NTNG1: variants seen among roughly 807,000 people sequenced by gnomAD.
The protein encoded by NTNG1 is netrin G1, also known as netrin-G1.
Under a neutral mutation model 54.0 loss-of-function variants are expected in NTNG1, and 16 were observed. The ratio of observed to expected loss-of-function variants is 0.30; its 90% confidence interval spans 0.20 to 0.45. The LOEUF (loss-of-function observed/expected upper bound fraction) is 0.45. Ranked by LOEUF, NTNG1 falls within the 20% of genes least tolerant of loss-of-function variation. NTNG1 has a pLI of 1.00. For missense variants in NTNG1, 530 were observed against 678.7 expected (o/e 0.78, Z 2.43); for synonymous variants, 255 against 263.1 (o/e 0.97, Z 0.30).
At chr1:107,376,422 A>AAG (rs1553235270) in intron 3 of NTNG1, among the ~76,000 whole-genome samples, 11 of 150,338 alleles carry the variant, frequency 7.3e-5, no homozygotes, top group Middle Eastern at 3.2e-3. Flanking sequence ...CAAAACAAAA[A>AAG]AAAAAACAAA....
At chr1:107,410,472 C>G (rs1673727262) in intron 5 of NTNG1, 1 of 152,108 alleles carries the variant, frequency 6.6e-6, no homozygotes, top group South Asian at 2.1e-4. Context: ...TCCCATAATC[C>G]TAAGGATACT....
intron 2 of NTNG1, among the ~76,000 whole-genome samples, chr1:107,321,849 G>T (rs921780451): frequency 3.3e-5 from 5 of 151,878 alleles, no homozygotes; most frequent in Admixed American, 3.3e-4. Context: ...AGTGACTTGG[G>T]AATTCAGCAA....
chr1:107,377,006 C>T (rs1282215327), intron 3 of NTNG1, among the ~76,000 whole-genome samples: 1 of 152,182 alleles, frequency 6.6e-6, no homozygotes, highest in South Asian at 2.1e-4. Flanking sequence ...TGCAGGTCTG[C>T]AAAGGGGGAG....
intron 2 of NTNG1, among the ~76,000 whole-genome samples, chr1:107,204,446 G>A: frequency 6.6e-6 from 1 of 152,088 alleles, no homozygotes; most frequent in East Asian, 1.9e-4. Context: ...CCATGTGAAT[G>A]ACCACATGGA....
intron 2 of NTNG1, among the ~76,000 whole-genome samples, chr1:107,278,093 C>T (rs1454757100): frequency 6.6e-6 from 1 of 152,164 alleles, no homozygotes; most frequent in Non-Finnish European, 1.5e-5. Context: ...CACTACTTCT[C>T]TCTGGATATT....
At chr1:107,459,856 G>A (rs1677173531) in intron 7 of NTNG1, among the ~76,000 whole-genome samples, 1 of 152,054 alleles carries the variant, frequency 6.6e-6, no homozygotes, top group African/African-American at 2.4e-5. Context: ...GTACTCCTAG[G>A]GCAAATTATT....
chr1:107,169,354 A>T (rs531514658), intron 2 of NTNG1, among the ~76,000 whole-genome samples: 1 of 152,296 alleles, frequency 6.6e-6, no homozygotes, highest in South Asian at 2.1e-4. Flanking sequence ...TTTAGGGTAT[A>T]CAAGTGCAGT....
chr1:107,398,413 G>C (rs901269435), intron 4 of NTNG1, among the ~76,000 whole-genome samples: 1 of 152,122 alleles, frequency 6.6e-6, no homozygotes, highest in African/African-American at 2.4e-5. Context: ...ACCACTCAGG[G>C]ATACCATAGA....
intron 3 of NTNG1, among the ~76,000 whole-genome samples, chr1:107,357,793 A>T (rs1189128279): frequency 1.3e-5 from 2 of 152,164 alleles, no homozygotes; most frequent in African/African-American, 4.8e-5. Context: ...TTAACTTTCC[A>T]GTTATCTGTG....
intron 2 of NTNG1, among the ~76,000 whole-genome samples, chr1:107,251,854 G>A (rs1662629062): frequency 6.6e-6 from 1 of 152,170 alleles, no homozygotes; most frequent in South Asian, 2.1e-4. Context: ...TAAGTGCATA[G>A]TTTATGCTTT....
intron 7 of NTNG1, among the ~76,000 whole-genome samples, chr1:107,447,502 T>C (rs1236819760): frequency 6.6e-6 from 1 of 152,094 alleles, no homozygotes; most frequent in East Asian, 1.9e-4. Context: ...AATGAAAAAT[T>C]AAAGTTGCTG....
At chr1:107,255,694 C>G (rs757389878) in intron 2 of NTNG1, among the ~76,000 whole-genome samples, 8 of 152,284 alleles carry the variant, frequency 5.3e-5, no homozygotes, top group Middle Eastern at 3.4e-3. Context: ...TTCTGACAGA[C>G]AGTGGGGCTG....
intron 2 of NTNG1, among the ~76,000 whole-genome samples, chr1:107,243,397 C>T (rs577380816): frequency 6.6e-5 from 10 of 152,236 alleles, no homozygotes; most frequent in Admixed American, 2.0e-4. Context: ...TCCTATTTGC[C>T]GGCTTAAAAG....
intron 3 of NTNG1, among the ~76,000 whole-genome samples, chr1:107,336,822 A>C (rs1183536375): frequency 6.6e-6 from 1 of 152,020 alleles, no homozygotes; most frequent in Non-Finnish European, 1.5e-5. Context: ...TTAAATAAAC[A>C]TTTCTCCAAA....
rs1328971497 is a variant in NTNG1 at position 107,380,142 on chromosome 1, G to T, written c.888-15012G>T. 2.6e-5 allele frequency among the ~76,000 whole-genome samples: 4 copies of T among 152,240 alleles called. No homozygotes were observed. The South Asian group carries it at 6.2e-4, about 24-fold the overall frequency. ...GCCACAGGAAAATTTGAAAGGCAAT[G>T]ATGCTACCCACTTTTTATTTTTTCA... On this transcript the variant is annotated intron_variant, in intron 3 of 7. Transcript: ENST00000370068.
At chr1:107,259,607 T>G (rs146165551) in intron 2 of NTNG1, among the ~76,000 whole-genome samples, 1,688 of 152,336 alleles carry the variant, frequency 0.011, 23 homozygotes, top group African/African-American at 0.038. Context: ...TTAATTTTCC[T>G]TCCTAAAATA....
intron 2 of NTNG1, among the ~76,000 whole-genome samples, chr1:107,265,692 A>G (rs555130702): frequency 1.3e-5 from 2 of 152,252 alleles, no homozygotes; most frequent in South Asian, 2.1e-4. Flanking sequence ...AATTGAAATT[A>G]TAAGAATTAT....
intron 2 of NTNG1, among the ~76,000 whole-genome samples, chr1:107,281,313 A>T (rs531717203): frequency 8.5e-5 from 13 of 152,184 alleles, no homozygotes; most frequent in Admixed American, 2.6e-4. Context: ...ATCTTCACCC[A>T]CAAGTCCCTT....
At chr1:107,316,359 T>C (rs1233235343) in intron 2 of NTNG1, among the ~76,000 whole-genome samples, 1 of 152,224 alleles carries the variant, frequency 6.6e-6, no homozygotes, top group Non-Finnish European at 1.5e-5. Context: ...CTCACAATTC[T>C]GAGACTTAAA....
Sources: gnomAD v4.1 joint callset for allele counts (sites outside exome capture counted in the v4.1 genomes callset) on GRCh38, gnomAD v4.1.1 for gene constraint, MANE v1.5 for transcripts, NCBI Gene and HGNC (gene_info 2026-07-23, HGNC 2026-07-21) for gene names.